The following STARD13 variants were observed in gnomAD, a reference collection of about 807,000 sequenced individuals.
STARD13 encodes stAR-related lipid transfer protein 13.
In STARD13, 62 loss-of-function variants were observed where a neutral mutation model predicts 106.4. The ratio of observed to expected loss-of-function variants is 0.58; its 90% CI spans 0.48 to 0.72. The LOEUF (loss-of-function observed/expected upper bound fraction) is 0.72, where lower values mean the gene tolerates loss of function less well. Ranked by LOEUF, STARD13 falls within the 30% of genes least tolerant of loss-of-function variation. The probability of loss-of-function intolerance (pLI) is 0.00; values close to 1 mark genes in which losing one functional copy is unlikely to be tolerated. For missense variants in STARD13, 1,387 were observed against 1,424.0 expected (o/e 0.97, Z 0.42); for synonymous variants, 565 against 553.0 (o/e 1.02, Z -0.31).
chr13:33,213,764 C>T (rs1054042245), intron 1 of STARD13, among the ~76,000 whole-genome samples: 2 of 152,210 alleles, frequency 1.3e-5, no homozygotes, highest in Admixed American at 1.3e-4. Context: ...TGTCCTTTCA[C>T]CCCAACTGTC....
chr13:33,218,733 T>C (rs1354078464), intron 1 of STARD13, among the ~76,000 whole-genome samples: 1 of 152,246 alleles, frequency 6.6e-6, no homozygotes, highest in Non-Finnish European at 1.5e-5. Context: ...TAAATTCAGA[T>C]GGCATTATTG....
intron 4 of STARD13, among the ~76,000 whole-genome samples, chr13:33,132,731 A>T (rs939758819): frequency 1.3e-5 from 2 of 152,226 alleles, no homozygotes; most frequent in Non-Finnish European, 2.9e-5. Flanking sequence ...CTACAGCTTG[A>T]GATCACAGTG....
the STARD13 span, among the ~76,000 whole-genome samples, chr13:33,418,132 G>A: frequency 2.6e-5 from 4 of 152,184 alleles, no homozygotes; most frequent in Non-Finnish European, 5.9e-5. Flanking sequence ...AGCAGGGCAG[G>A]GCATCACCTC....
At chr13:33,312,879 C>A (rs1893194979) in intron 1 of STARD13, among the ~76,000 whole-genome samples, 1 of 152,156 alleles carries the variant, frequency 6.6e-6, no homozygotes, top group Admixed American at 6.5e-5. Flanking sequence ...AAAGCACGGT[C>A]CATTTGTTGA....
chr13:33,140,881 C>G (rs1879735854), intron 4 of STARD13, among the ~76,000 whole-genome samples: 1 of 151,868 alleles, frequency 6.6e-6, no homozygotes, highest in Non-Finnish European at 1.5e-5. Flanking sequence ...GCCTCAGCCT[C>G]CCGATTAGCT....
chr13:33,165,429 A>C lies in STARD13; in HGVS notation c.242-11T>G. The C allele has an allele frequency of 6.2e-7, 1 of 1,603,724 alleles. No individual in the cohort carries two copies. The highest frequency in any genetic ancestry group is 1.7e-4 in the Middle Eastern group (1 of 6,024). ...TGGGAAATTGTGAATCTGAGAGAGAAAGACAAAGAAGTTGATGTACTTTGT... is the reference window on the plus strand; with the variant it reads ...TGGGAAATTGTGAATCTGAGAGAGACAGACAAAGAAGTTGATGTACTTTGT... On this transcript the variant is annotated splice_polypyrimidine_tract_variant and intron_variant, in intron 2 of 13. Transcript: ENST00000336934.
the STARD13 span, among the ~76,000 whole-genome samples, chr13:33,664,447 G>A: frequency 2.0e-5 from 3 of 152,112 alleles, no homozygotes; most frequent in Admixed American, 6.5e-5. Flanking sequence ...TGTTGTCTTT[G>A]GACTTGGTGA....
chr13:33,626,544 A>C, the STARD13 span, among the ~76,000 whole-genome samples: 2 of 152,258 alleles, frequency 1.3e-5, no homozygotes, highest in Non-Finnish European at 2.9e-5. Context: ...AAAATAAAGA[A>C]AATAAAGCTG....
chr13:33,543,895 C>T, the STARD13 span, among the ~76,000 whole-genome samples: 29 of 152,204 alleles, frequency 1.9e-4, no homozygotes, highest in Non-Finnish European at 3.5e-4. Context: ...CTAAAATATA[C>T]TGGTGATACT....
chr13:33,253,631 G>A (rs1206864682), intron 1 of STARD13, among the ~76,000 whole-genome samples: 1 of 152,206 alleles, frequency 6.6e-6, no homozygotes, highest in Non-Finnish European at 1.5e-5. Context: ...GGGCAGGGAT[G>A]CCTTCTCGGC....
At chr13:33,562,356 C>T in the STARD13 span, among the ~76,000 whole-genome samples, 2 of 146,690 alleles carry the variant, frequency 1.4e-5, no homozygotes, top group African/African-American at 5.1e-5. Flanking sequence ...TGACTTTCCT[C>T]ACATTTTTCT....
chr13:33,323,771 A>G (rs926011053), intron 1 of STARD13, among the ~76,000 whole-genome samples: 1 of 152,194 alleles, frequency 6.6e-6, no homozygotes, highest in Non-Finnish European at 1.5e-5. Flanking sequence ...TTAAAAGACC[A>G]CTTGGCTCCA....
chr13:33,429,851 G>T, the STARD13 span, among the ~76,000 whole-genome samples: 1 of 151,440 alleles, frequency 6.6e-6, no homozygotes, highest in African/African-American at 2.4e-5. Flanking sequence ...CCTACTATTT[G>T]ATAGTGCCAC....
chr13:33,372,443 G>A, the STARD13 span, among the ~76,000 whole-genome samples: 330 of 151,374 alleles, frequency 2.2e-3, no homozygotes, highest in African/African-American at 7.5e-3. Context: ...CTTTGAAGTT[G>A]TTTCATAATT....
At chr13:33,374,868 G>A in the STARD13 span, among the ~76,000 whole-genome samples, 2 of 152,036 alleles carry the variant, frequency 1.3e-5, no homozygotes, top group African/African-American at 2.4e-5. Context: ...TTGCTAAATT[G>A]TAGACTCTGA....
At chr13:33,305,276 C>T (rs1232359992) in intron 1 of STARD13, among the ~76,000 whole-genome samples, 1 of 152,210 alleles carries the variant, frequency 6.6e-6, no homozygotes, top group African/African-American at 2.4e-5. Context: ...ACTTACTTTA[C>T]TGCCGTCACT....
At chr13:33,275,041 A>G (rs1328913660) in intron 1 of STARD13, among the ~76,000 whole-genome samples, 1 of 152,304 alleles carries the variant, frequency 6.6e-6, no homozygotes, top group East Asian at 1.9e-4. Context: ...GCTACAAGGT[A>G]AAGTTCAACG....
At chr13:33,183,214 A>G (rs1377459193) in intron 1 of STARD13, among the ~76,000 whole-genome samples, 1 of 152,142 alleles carries the variant, frequency 6.6e-6, no homozygotes, top group Middle Eastern at 3.2e-3. Flanking sequence ...CAGCTCTTTG[A>G]GGGCAGAGGT....
At chr13:33,322,955 C>CT (rs1196323344) in intron 1 of STARD13, among the ~76,000 whole-genome samples, 1 of 152,168 alleles carries the variant, frequency 6.6e-6, no homozygotes, top group Non-Finnish European at 1.5e-5. Flanking sequence ...TAAAAACACT[C>CT]TTTTTTCTTT....
Sources: gnomAD v4.1 joint callset for allele counts (sites outside exome capture counted in the v4.1 genomes callset) on GRCh38, gnomAD v4.1.1 for gene constraint, MANE v1.5 for transcripts, NCBI Gene and HGNC (gene_info 2026-07-23, HGNC 2026-07-21) for gene names.